The following ADARB2 variants were observed in gnomAD, a reference collection of about 807,000 sequenced individuals.
ADARB2 encodes the protein inactive double-stranded RNA-specific editase B2.
Under a neutral mutation model 62.2 loss-of-function variants are expected in ADARB2, and 25 were observed. That is an observed-to-expected ratio of 0.40 (90% CI 0.29 to 0.56). The LOEUF is 0.56. ADARB2 is among the 20% of genes least tolerant of loss of function. ADARB2 has a pLI of 0.43. For synonymous variants in ADARB2, 572 were observed against 500.8 expected (o/e 1.14, Z -1.90); for missense variants, 1,071 against 1,077.4 (o/e 0.99, Z 0.08).
At chr10:1,530,656 C>T (rs1285328298) in intron 1 of ADARB2, among the ~76,000 whole-genome samples, 2 of 152,182 alleles carry the variant, frequency 1.3e-5, no homozygotes, top group African/African-American at 4.8e-5. Context: ...AGACAAGATC[C>T]GTTTAGAAAC....
chr10:1,649,379 G>C (rs1442215624), intron 1 of ADARB2, among the ~76,000 whole-genome samples: 1 of 152,106 alleles, frequency 6.6e-6, no homozygotes, highest in Non-Finnish European at 1.5e-5. Flanking sequence ...TTTTCCACAG[G>C]GGATACACTT....
chr10:1,407,522 A>T (rs1832717471), intron 1 of ADARB2, among the ~76,000 whole-genome samples: 1 of 152,126 alleles, frequency 6.6e-6, no homozygotes, highest in African/African-American at 2.4e-5. Flanking sequence ...GGCTTGGGGA[A>T]GTTGACGGTA....
rs1831379174 is a variant in ADARB2, at chr10:1,474,941, G to A, written c.101-95781C>T. ...CGAGCCCGGGGCCTCAGTGACCGAG[G>A]CGGCGGCTGCCGGTCGTCCTGGAGG... is the stretch of plus-strand genomic sequence containing the variant. On this transcript the variant is annotated intron_variant, in intron 1 of 9. Coordinates refer to ENST00000381312, the MANE Select transcript of ADARB2 (RefSeq NM_018702.4). Among the ~76,000 whole-genome samples, 3 of 152,172 alleles carry A rather than the reference G, an allele frequency of 2.0e-5. No individual in the cohort carries two copies. The South Asian group carries it at 6.2e-4, about 31-fold the overall frequency.
chr10:1,607,101 C>T (rs934980835), intron 1 of ADARB2, among the ~76,000 whole-genome samples: 2 of 152,198 alleles, frequency 1.3e-5, no homozygotes, highest in African/African-American at 4.8e-5. Context: ...AATTCAACAA[C>T]AAATATGAAA....
chr10:1,453,841 G>A (rs1831066464), intron 1 of ADARB2, among the ~76,000 whole-genome samples: 1 of 152,204 alleles, frequency 6.6e-6, no homozygotes, highest in Non-Finnish European at 1.5e-5. Flanking sequence ...AAGGGTTAGT[G>A]AGAATGTGGG....
chr10:1,184,731 A>C (rs555677446), intron 9 of ADARB2, 130 bp downstream of exon 9: 2 of 1,059,828 alleles, frequency 1.9e-6, no homozygotes, highest in South Asian at 3.5e-5. Context: ...GGAAAAGGAC[A>C]TGTGATGGGC....
chr10:1,582,442 T>C (rs1380144097), intron 1 of ADARB2, among the ~76,000 whole-genome samples: 1 of 152,200 alleles, frequency 6.6e-6, no homozygotes, highest in African/African-American at 2.4e-5. Flanking sequence ...CGTGCTGCCC[T>C]GGTTTCCCTG....
rs79114652 is a variant in ADARB2 at position 1,312,023 on chromosome 10, G to A, written c.1078-40954C>T. Among the ~76,000 whole-genome samples, 1,451 of 152,274 alleles carry A rather than the reference G, an allele frequency of 9.5e-3. 65 individuals are homozygous for A. In the East Asian group the frequency reaches 0.13, roughly 14 times the overall value. On this transcript the variant is annotated intron_variant, in intron 3 of 9. Coordinates refer to ENST00000381312, the MANE Select transcript of ADARB2 (RefSeq NM_018702.4). ...TACCAGAGTCTCATTTCTGCTTCACGAGCACTACCGGAGTAGCATCTGTCG... is the reference window on the plus strand; with the variant it reads ...TACCAGAGTCTCATTTCTGCTTCACAAGCACTACCGGAGTAGCATCTGTCG...
intron 1 of ADARB2, among the ~76,000 whole-genome samples, chr10:1,568,007 C>T (rs1832879524): frequency 6.6e-6 from 1 of 152,242 alleles, no homozygotes; most frequent in South Asian, 2.1e-4. Flanking sequence ...ACCTGTGTCA[C>T]ACAGCAGCAG....
At chr10:1,505,101 GCACA>G (rs1165731379) in intron 1 of ADARB2, among the ~76,000 whole-genome samples, 5 of 148,214 alleles carry the variant, frequency 3.4e-5, no homozygotes, top group African/African-American at 1.2e-4. Flanking sequence ...ACACACACAT[GCACA>G]CACAGACACA....
At chr10:1,512,882 G>A (rs559759922) in intron 1 of ADARB2, among the ~76,000 whole-genome samples, 18 of 152,296 alleles carry the variant, frequency 1.2e-4, no homozygotes, top group Admixed American at 2.0e-4. Context: ...CCAGCCTTTC[G>A]CACAGCAGGA....
chr10:1,633,963 A>G (rs1833882412), intron 1 of ADARB2, among the ~76,000 whole-genome samples: 1 of 152,092 alleles, frequency 6.6e-6, no homozygotes, highest in African/African-American at 2.4e-5. Context: ...AGCCCCATGG[A>G]GCTCCTTGCC....
intron 1 of ADARB2, among the ~76,000 whole-genome samples, chr10:1,727,601 C>T (rs975404906): frequency 8.5e-4 from 129 of 152,070 alleles, no homozygotes; most frequent in African/African-American, 2.5e-3. Context: ...TACATTTTAA[C>T]GGTTTAGTTT....
At chr10:1,588,878 G>A (rs897086333) in intron 1 of ADARB2, among the ~76,000 whole-genome samples, 5 of 152,186 alleles carry the variant, frequency 3.3e-5, no homozygotes, top group African/African-American at 7.2e-5. Flanking sequence ...CATGGCCTCC[G>A]ATGCTTGGAG....
intron 4 of ADARB2, among the ~76,000 whole-genome samples, chr10:1,249,471 G>A (rs1831016064): frequency 6.6e-6 from 1 of 151,192 alleles, no homozygotes; most frequent in Admixed American, 6.6e-5. Context: ...GGATTTATAT[G>A]CAACACAAAA....
At chr10:1,427,237 C>T (rs1426433494) in intron 1 of ADARB2, among the ~76,000 whole-genome samples, 1 of 152,170 alleles carries the variant, frequency 6.6e-6, no homozygotes, top group East Asian at 1.9e-4. Context: ...CAGACCTCAT[C>T]AGAATTAAAA....
intron 2 of ADARB2, among the ~76,000 whole-genome samples, chr10:1,376,833 G>A (rs1437646577): frequency 7.3e-6 from 1 of 137,338 alleles, no homozygotes; most frequent in Non-Finnish European, 1.5e-5. Context: ...CGTGTTTCCA[G>A]GTCCACACGT....
intron 3 of ADARB2, chr10:1,292,392 C>T (rs200558918): frequency 1.3e-5 from 2 of 152,210 alleles, no homozygotes; most frequent in East Asian, 3.8e-4. Flanking sequence ...ACTGTGAAGC[C>T]TTTTTATCCC....
chr10:1,394,189 G>A (rs535890669), intron 1 of ADARB2, among the ~76,000 whole-genome samples: 1 of 152,298 alleles, frequency 6.6e-6, no homozygotes, highest in Non-Finnish European at 1.5e-5. Context: ...TGATTCCAAG[G>A]CCAAATTCCT....
Sources: allele counts gnomAD v4.1 joint callset (sites outside exome capture counted in the v4.1 genomes callset), GRCh38; gene constraint gnomAD v4.1.1; transcripts MANE v1.5; gene names NCBI Gene and HGNC (gene_info 2026-07-23, HGNC 2026-07-21).